The following COL9A1 variants were observed in gnomAD, a reference collection of about 807,000 sequenced individuals.
COL9A1 encodes collagen alpha-1(IX) chain.
In COL9A1, 104 loss-of-function variants were observed where a neutral mutation model predicts 142.6. The observed-to-expected ratio is 0.73, with a 90% CI of 0.62 to 0.86. The LOEUF is 0.86. Ranked by LOEUF, COL9A1 falls within the 40% of genes least tolerant of loss-of-function variation. The pLI is 0.00. For synonymous variants in COL9A1, 466 were observed against 396.0 expected (o/e 1.18, Z -2.10); for missense variants, 1,210 against 1,176.6 (o/e 1.03, Z -0.42).
intron 25 of COL9A1, among the ~76,000 whole-genome samples, chr6:70,253,773 G>A (rs1460131582): frequency 6.6e-6 from 1 of 152,174 alleles, no homozygotes; most frequent in East Asian, 1.9e-4. Flanking sequence ...AGAGGCTACA[G>A]GGATGTGACA....
chr6:70,261,833 G>A (rs975793968), intron 19 of COL9A1, among the ~76,000 whole-genome samples: 2 of 152,174 alleles, frequency 1.3e-5, no homozygotes, highest in African/African-American at 4.8e-5. Context: ...TTCTCTTGAG[G>A]TGTCTACTTT....
intron 28 of COL9A1, among the ~76,000 whole-genome samples, chr6:70,249,650 A>G (rs1317460044): frequency 2.0e-5 from 3 of 152,228 alleles, no homozygotes; most frequent in Non-Finnish European, 4.4e-5. Context: ...CCTCAGGGAC[A>G]GGAGCAATGG....
chr6:70,217,001 C>T lies in COL9A1; in HGVS notation c.2662G>A (p.Val888Met), dbSNP rs1768552813. 1.2e-6 allele frequency: 2 copies of T among 1,614,028 alleles called. No homozygotes were observed. The highest frequency in any genetic ancestry group is 1.3e-5 in the African/African-American group (1 of 74,918). The change falls in exon 38 of 38, where the codon GTG (valine) becomes ATG (methionine). Residue 888 changes from valine (V) to methionine (M), a missense_variant. Coordinates refer to ENST00000357250, the MANE Select transcript of COL9A1 (RefSeq NM_001851.6). ...GPPGVAGIPG[V>M]PGPPGPPGLP... ...CCAGGAGGTCCCGGGGGTCCAGGCA[C>T]TCCAGGAATTCCTGCCACCCCTGGG...
intron 17 of COL9A1, among the ~76,000 whole-genome samples, chr6:70,267,943 C>A (rs1455598859): frequency 6.6e-6 from 1 of 152,170 alleles, no homozygotes; most frequent in Admixed American, 6.5e-5. Flanking sequence ...CACAGCAGAG[C>A]TCCATTGGTC....
intron 18 of COL9A1, among the ~76,000 whole-genome samples, chr6:70,263,880 A>C (rs149743454): frequency 3.0e-4 from 46 of 152,090 alleles, no homozygotes; most frequent in Admixed American, 6.5e-4. Flanking sequence ...ATATACATTT[A>C]TTTATATTTT....
chr6:70,282,698 GC>G (rs1021970207), intron 7 of COL9A1, among the ~76,000 whole-genome samples, 199 bp downstream of exon 7: 2 of 152,146 alleles, frequency 1.3e-5, no homozygotes, highest in African/African-American at 4.8e-5. Context: ...TTGGGGAGGA[GC>G]CCCCCTTCCT....
At chr6:70,268,117 GCA>G (rs751722165) in intron 17 of COL9A1, among the ~76,000 whole-genome samples, 1 of 152,072 alleles carries the variant, frequency 6.6e-6, no homozygotes. Context: ...TGACTATTTT[GCA>G]CAGTTTTTCA....
Position 70,263,382 on chromosome 6 carries a change from T to A in COL9A1, c.1342-85A>T, listed in dbSNP as rs550476510. The A allele has an allele frequency of 6.8e-6, 8 of 1,181,036 alleles. No homozygotes were observed. In the East Asian group the frequency reaches 2.0e-4, roughly 30 times the overall value. The allele number at this position is 1,181,036 out of a possible 1,614,324, so 73.2% of individuals were successfully genotyped here. On this transcript the variant is annotated intron_variant, in intron 18 of 37. Transcript: ENST00000357250. Reference sequence around the variant, plus strand: ...GAAATAGGCTTGGTCTAACTCATTATGTTTTAAGTTAACTTGGTGACTCCT... The same window carrying A: ...GAAATAGGCTTGGTCTAACTCATTAAGTTTTAAGTTAACTTGGTGACTCCT...
At chr6:70,240,148 G>A (rs1271939992) in intron 32 of COL9A1, among the ~76,000 whole-genome samples, 1 of 152,164 alleles carries the variant, frequency 6.6e-6, no homozygotes. Flanking sequence ...TCCAGCAGTG[G>A]AGAGAACTTG....
chr6:70,285,430 C>T (rs567829874), intron 5 of COL9A1, among the ~76,000 whole-genome samples: 10 of 152,338 alleles, frequency 6.6e-5, no homozygotes, highest in Non-Finnish European at 1.2e-4. Flanking sequence ...AAGTCACTTG[C>T]GTTATACATG....
At chr6:70,226,031 T>C in intron 36 of COL9A1, 22 bp from the exon 37 acceptor site, 1 of 1,589,378 alleles carries the variant, frequency 6.3e-7, no homozygotes. Flanking sequence ...TAAAGAAATG[T>C]TATTTTTCTA....
intron 8 of COL9A1, 110 bp downstream of exon 8, chr6:70,281,280 G>C (rs1251345997): frequency 9.5e-7 from 1 of 1,055,976 alleles, no homozygotes; most frequent in Non-Finnish European, 1.4e-6. Context: ...TGGCAGGAAG[G>C]GGAGACCCTG....
chr6:70,230,937 GC>G (rs959845563), intron 36 of COL9A1, among the ~76,000 whole-genome samples: 5 of 152,136 alleles, frequency 3.3e-5, no homozygotes, highest in Non-Finnish European at 5.9e-5. Context: ...GTTAAGCTCT[GC>G]CCCAAGGAGA....
chr6:70,280,535 G>A, intron 10 of COL9A1: 1 of 1,382,534 alleles, frequency 7.2e-7, no homozygotes, highest in Non-Finnish European at 9.4e-7. Context: ...TGCACTGTGA[G>A]GTCACGGTTA....
At chr6:70,250,987 C>T (rs1770899849) in intron 28 of COL9A1, among the ~76,000 whole-genome samples, 1 of 152,142 alleles carries the variant, frequency 6.6e-6, no homozygotes, top group South Asian at 2.1e-4. Context: ...TAGGTAGGCA[C>T]TCAAGAAAAA....
intron 19 of COL9A1, 139 bp downstream of exon 19, chr6:70,263,105 G>A: frequency 1.6e-6 from 1 of 623,584 alleles, no homozygotes; most frequent in Non-Finnish European, 2.8e-6. Flanking sequence ...ATCCCCCAGT[G>A]CTGGCGTGGT....
chr6:70,292,318 A>C (rs1460885784), intron 5 of COL9A1, among the ~76,000 whole-genome samples: 1 of 152,178 alleles, frequency 6.6e-6, no homozygotes, highest in African/African-American at 2.4e-5. Flanking sequence ...GAAGGAAGAC[A>C]CTTGTACATG....
intron 18 of COL9A1, 23 bp downstream of exon 18, chr6:70,266,694 C>T (rs1356346048): frequency 6.3e-7 from 1 of 1,590,354 alleles, no homozygotes; most frequent in African/African-American, 1.3e-5. Context: ...ACAATTTATC[C>T]ACTAAATACC....
chr6:70,217,000 A>G lies in COL9A1; in HGVS notation c.2663T>C (p.Val888Ala). 6.2e-7 allele frequency: 1 copy of G among 1,613,876 alleles called. No homozygotes were observed. Residue 888 changes from valine to alanine, a missense_variant, in exon 38 of 38, where the codon GTG becomes GCG. Val to Ala is a moderately conservative substitution (Grantham distance 64). Transcript: ENST00000357250. Reference sequence around the variant, plus strand: ...CCCAGGAGGTCCCGGGGGTCCAGGCACTCCAGGAATTCCTGCCACCCCTGG... The same window carrying G: ...CCCAGGAGGTCCCGGGGGTCCAGGCGCTCCAGGAATTCCTGCCACCCCTGG... ...GPPGVAGIPGVPGPPGPPGLP... is the reference protein window; with the variant it reads ...GPPGVAGIPGAPGPPGPPGLP...
Sources: gnomAD v4.1 joint callset for allele counts (sites outside exome capture counted in the v4.1 genomes callset) on GRCh38, gnomAD v4.1.1 for gene constraint, MANE v1.5 for transcripts, NCBI Gene and HGNC (gene_info 2026-07-23, HGNC 2026-07-21) for gene names.